FSTL1: variants seen among roughly 807,000 people sequenced by gnomAD.
The protein encoded by FSTL1 is follistatin-related protein 1.
FSTL1 carries 24 observed loss-of-function variants against 45.9 expected under a neutral mutation model. The observed-to-expected ratio is 0.52, with a 90% CI of 0.38 to 0.74. The LOEUF is 0.74. Among genes scored for constraint, FSTL1 ranks in the 30% least tolerant of loss-of-function variants. The pLI is 0.00. For synonymous variants in FSTL1, 120 were observed against 137.6 expected (o/e 0.87, Z 0.89); for missense variants, 340 against 381.8 (o/e 0.89, Z 0.91).
chr3:120,437,629 A>G (rs1045005140), intron 2 of FSTL1, among the ~76,000 whole-genome samples: 6 of 151,142 alleles, frequency 4.0e-5, no homozygotes, highest in Middle Eastern at 6.8e-3. Flanking sequence ...ATATCCATGC[A>G]CACACACACA....
At chr3:120,441,636 G>A (rs972384083) in intron 2 of FSTL1, among the ~76,000 whole-genome samples, 2 of 152,226 alleles carry the variant, frequency 1.3e-5, no homozygotes, top group Admixed American at 1.3e-4. Flanking sequence ...ATACACGTGC[G>A]TGAATGTGTG....
chr3:120,430,792 C>T (rs1937463853), intron 2 of FSTL1, among the ~76,000 whole-genome samples: 1 of 152,144 alleles, frequency 6.6e-6, no homozygotes, highest in African/African-American at 2.4e-5. Flanking sequence ...CTCTAAGGAG[C>T]TTGTAGCTTA....
chr3:120,410,688 G>A lies in FSTL1; in HGVS notation c.331+264C>T. The A allele has an allele frequency of 6.7e-6, 4 of 596,874 alleles. 1 individual carries two copies. Among genetic ancestry groups the A allele is most frequent in the South Asian group, 3.0e-5 (2 of 65,648 alleles). 37.0% of individuals were successfully genotyped at this position (596,874 alleles called of 1,614,324 possible). The stretch of plus-strand genomic sequence containing the variant: ...GAAAAATGAACTCAGTGGCTTTCCT[G>A]TTTATGCAGTTCAATCACTACTCAG... On this transcript the variant is annotated intron_variant, in intron 5 of 10. Transcript: ENST00000295633.
chr3:120,424,691 T>C (rs1289696752), intron 2 of FSTL1, among the ~76,000 whole-genome samples: 1 of 152,064 alleles, frequency 6.6e-6, no homozygotes, highest in Admixed American at 6.6e-5. Context: ...GAGAGATCTC[T>C]ACAGAATAAC....
chr3:120,423,864 G>T (rs758043250), intron 2 of FSTL1: 1 of 152,186 alleles, frequency 6.6e-6, no homozygotes, highest in Non-Finnish European at 1.5e-5. Flanking sequence ...GGTTTCTTAG[G>T]AAAGTCCAAG....
At chr3:120,399,533 T>C (rs917743429) in intron 10 of FSTL1, among the ~76,000 whole-genome samples, 1 of 152,114 alleles carries the variant, frequency 6.6e-6, no homozygotes, top group Non-Finnish European at 1.5e-5. Flanking sequence ...GAGCTCACAG[T>C]CTTTGGGTCT....
At chr3:120,418,595 A>C in intron 2 of FSTL1, among the ~76,000 whole-genome samples, 1 of 152,212 alleles carries the variant, frequency 6.6e-6, no homozygotes, top group East Asian at 1.9e-4. Flanking sequence ...ACGTAAGGAA[A>C]TTATGATGGG....
intron 6 of FSTL1, 49 bp from the exon 7 acceptor site, chr3:120,405,020 G>T: frequency 1.1e-6 from 1 of 939,650 alleles, no homozygotes; most frequent in Non-Finnish European, 1.8e-6. Context: ...CAGAACCCCT[G>T]TTCCATCATT....
chr3:120,402,923 T>C lies in FSTL1; in HGVS notation c.695-5A>G, dbSNP rs1447872123. The C allele has an allele frequency of 6.3e-7, 1 of 1,579,468 alleles. No individual in the cohort carries two copies. The highest frequency in any genetic ancestry group is 1.7e-5 in the Admixed American group (1 of 59,968). The stretch of plus-strand genomic sequence containing the variant: ...TTTCATCCTCCAGGGCACACTCTGT[T>C]GGGCCAGAAATACGGGGCAACAGTT... On this transcript the variant is annotated splice_region_variant and splice_polypyrimidine_tract_variant and intron_variant, in intron 8 of 10. Transcript: ENST00000295633.
chr3:120,423,675 A>C (rs1053896720), intron 2 of FSTL1: 2 of 152,078 alleles, frequency 1.3e-5, no homozygotes. Context: ...GACATACCAC[A>C]CCGCCTTCTC....
At chr3:120,416,254 C>T (rs1305406344) in intron 2 of FSTL1, among the ~76,000 whole-genome samples, 1 of 152,076 alleles carries the variant, frequency 6.6e-6, no homozygotes, top group African/African-American at 2.4e-5. Flanking sequence ...CTTCTGAGTC[C>T]CTAATATGTT....
Position 120,450,753 on chromosome 3 carries a change from A to C in FSTL1, c.1-7T>G, listed in dbSNP as rs755006858. On this transcript the variant is annotated splice_polypyrimidine_tract_variant and splice_region_variant and intron_variant, in intron 1 of 10. Transcript: ENST00000295633. ...CGAGCCAGCGTTTCCACATCTGCGG[A>C]AGAGAGAAGAGAGCGAGTCTGAAGG... 1 of 1,572,996 alleles carries C rather than the reference A, an allele frequency of 6.4e-7. No individual in the cohort carries two copies. The highest frequency in any genetic ancestry group is 2.4e-5 in the East Asian group (1 of 41,074).
chr3:120,438,421 T>C (rs1421776320), intron 2 of FSTL1: 1 of 152,218 alleles, frequency 6.6e-6, no homozygotes, highest in African/African-American at 2.4e-5. Flanking sequence ...ATGAAGACTG[T>C]TCAGGTGCCA....
chr3:120,399,014 G>A (rs1936762708), intron 10 of FSTL1, among the ~76,000 whole-genome samples: 1 of 152,058 alleles, frequency 6.6e-6, no homozygotes, highest in Non-Finnish European at 1.5e-5. Context: ...CAATAAATGG[G>A]CAATTACTAT....
intron 2 of FSTL1, among the ~76,000 whole-genome samples, chr3:120,425,318 A>G (rs1937357572): frequency 6.6e-6 from 1 of 152,006 alleles, no homozygotes. Flanking sequence ...TGGATGATGA[A>G]TGCCATGTAA....
chr3:120,433,796 A>G (rs1937514250), intron 2 of FSTL1, among the ~76,000 whole-genome samples: 1 of 152,194 alleles, frequency 6.6e-6, no homozygotes, highest in Non-Finnish European at 1.5e-5. Context: ...GAAAGTAGAA[A>G]AGTGCAAAGG....
rs769773687 is a variant in FSTL1 at position 120,396,800 on chromosome 3, C to A, written c.*152G>T. 4.5e-6 allele frequency: 3 copies of A among 672,110 alleles called. No homozygotes were observed. The highest frequency in any genetic ancestry group is 8.0e-6 in the Non-Finnish European group (3 of 375,786). 41.6% of individuals were successfully genotyped at this position (672,110 alleles called of 1,614,324 possible). A position where few individuals can be genotyped will look rare whatever the true frequency, so the allele number is the denominator to read the frequency against. On this transcript the variant is annotated 3_prime_UTR_variant, in exon 11 of 11. Transcript: ENST00000295633. ...CCTTCCTAGCCAGCCACCTTCATAT[C>A]CTTTATTGCAAAACAAATAAACAAA...
intron 2 of FSTL1, among the ~76,000 whole-genome samples, chr3:120,424,780 G>C (rs1264319958): frequency 1.3e-5 from 2 of 152,178 alleles, no homozygotes; most frequent in African/African-American, 2.4e-5. Flanking sequence ...CTAGGGCCTG[G>C]AGGGTTGGTT....
chr3:120,403,755 G>C (rs1041745299), intron 7 of FSTL1, among the ~76,000 whole-genome samples: 1 of 151,482 alleles, frequency 6.6e-6, no homozygotes, highest in South Asian at 2.1e-4. Flanking sequence ...GACATGAAAG[G>C]AATATAGGAT....
Sources: allele counts gnomAD v4.1 joint callset (sites outside exome capture counted in the v4.1 genomes callset), GRCh38; gene constraint gnomAD v4.1.1; transcripts MANE v1.5; gene names NCBI Gene and HGNC (gene_info 2026-07-23, HGNC 2026-07-21).